TENM3: variants seen among roughly 807,000 people sequenced by gnomAD.
TENM3 encodes teneurin-3.
Under a neutral mutation model 255.1 loss-of-function variants are expected in TENM3, and 63 were observed. The ratio of observed to expected loss-of-function variants is 0.25; its 90% CI spans 0.20 to 0.30. The LOEUF (loss-of-function observed/expected upper bound fraction) is 0.30. Among genes scored for constraint, TENM3 ranks in the 10% least tolerant of loss-of-function variants. The pLI is 1.00. For missense variants in TENM3, 2,929 were observed against 3,461.1 expected (o/e 0.85, Z 3.86); for synonymous variants, 1,306 against 1,322.3 (o/e 0.99, Z 0.27).
intron 12 of TENM3, among the ~76,000 whole-genome samples, chr4:182,689,688 C>T (rs374738660): frequency 4.6e-5 from 7 of 152,296 alleles, no homozygotes; most frequent in African/African-American, 7.2e-5. Flanking sequence ...TTCCCAGCAG[C>T]GAAACGAATC....
the TENM3 span, among the ~76,000 whole-genome samples, chr4:181,597,086 C>A: frequency 6.6e-6 from 1 of 151,920 alleles, no homozygotes; most frequent in Non-Finnish European, 1.5e-5. Flanking sequence ...TAAAAAAAAA[C>A]CTTTTGTACA....
chr4:182,262,806 C>T (rs541374358), intron 1 of TENM3, among the ~76,000 whole-genome samples: 4 of 150,940 alleles, frequency 2.7e-5, no homozygotes, highest in South Asian at 2.1e-4. Flanking sequence ...CTCCGCCTCC[C>T]GGGTTCACGC....
chr4:182,457,136 G>A (rs1463241607), intron 3 of TENM3, among the ~76,000 whole-genome samples: 5 of 147,994 alleles, frequency 3.4e-5, no homozygotes. Context: ...AGTGAGCCGA[G>A]ATTGTGCCAC....
the TENM3 span, among the ~76,000 whole-genome samples, chr4:182,116,890 A>G: frequency 2.0e-5 from 3 of 152,178 alleles, no homozygotes; most frequent in African/African-American, 7.2e-5. Context: ...TTCAAAGTGC[A>G]CCACTCTGCA....
chr4:181,663,738 T>A, the TENM3 span, among the ~76,000 whole-genome samples: 2 of 152,202 alleles, frequency 1.3e-5, no homozygotes, highest in South Asian at 2.1e-4. Flanking sequence ...GAAAGAAACA[T>A]ACAAGAATGG....
chr4:182,653,723 T>C (rs1339684088), intron 5 of TENM3, 48 bp from the exon 6 acceptor site: 2 of 1,542,328 alleles, frequency 1.3e-6, no homozygotes, highest in East Asian at 4.8e-5. Flanking sequence ...ATTGCCGTTG[T>C]AGCTGAAGGC....
At chr4:181,835,290 A>G in the TENM3 span, among the ~76,000 whole-genome samples, 1 of 152,234 alleles carries the variant, frequency 6.6e-6, no homozygotes, top group Non-Finnish European at 1.5e-5. Flanking sequence ...CTATGGTTAC[A>G]TTCACAAAAC....
At chr4:181,650,207 T>C in the TENM3 span, among the ~76,000 whole-genome samples, 1 of 152,222 alleles carries the variant, frequency 6.6e-6, no homozygotes, top group African/African-American at 2.4e-5. Context: ...ACGGATTTAC[T>C]AACAGTTACA....
intron 3 of TENM3, among the ~76,000 whole-genome samples, chr4:182,585,013 T>C (rs13136589): frequency 0.35 from 52,506 of 152,082 alleles, 10,359 homozygotes; most frequent in East Asian, 0.58. Context: ...AAAGAAATTA[T>C]CTTATGGATA....
At chr4:181,881,829 A>C in the TENM3 span, among the ~76,000 whole-genome samples, 543 of 152,308 alleles carry the variant, frequency 3.6e-3, 3 homozygotes, top group African/African-American at 0.012. Flanking sequence ...TGTAAGCTGA[A>C]CAATTGATAT....
At chr4:182,063,765 A>G in the TENM3 span, among the ~76,000 whole-genome samples, 2 of 152,218 alleles carry the variant, frequency 1.3e-5, no homozygotes, top group Non-Finnish European at 2.9e-5. Flanking sequence ...GCTATCACTG[A>G]ATTAGTAGTG....
the TENM3 span, among the ~76,000 whole-genome samples, chr4:181,821,226 A>C: frequency 6.6e-6 from 1 of 152,194 alleles, no homozygotes; most frequent in East Asian, 1.9e-4. Context: ...ACCGCATCTC[A>C]GTCTGCTAGG....
the TENM3 span, among the ~76,000 whole-genome samples, chr4:181,977,681 C>T: frequency 6.6e-6 from 1 of 152,102 alleles, no homozygotes; most frequent in Admixed American, 6.5e-5. Flanking sequence ...CTTTTGAGGG[C>T]CTCTTCTTCA....
chr4:181,712,355 G>A, the TENM3 span, among the ~76,000 whole-genome samples: 1 of 152,182 alleles, frequency 6.6e-6, no homozygotes. Flanking sequence ...TTGTGATAGA[G>A]TTCTCACAAG....
At chr4:182,330,244 A>G (rs554055769) in intron 2 of TENM3, among the ~76,000 whole-genome samples, 1 of 152,350 alleles carries the variant, frequency 6.6e-6, no homozygotes, top group African/African-American at 2.4e-5. Context: ...AAGAACCTTT[A>G]TAAGGAAATG....
chr4:182,401,911 C>T (rs751591737), intron 3 of TENM3, among the ~76,000 whole-genome samples: 4 of 152,140 alleles, frequency 2.6e-5, no homozygotes, highest in Admixed American at 1.3e-4. Context: ...AGGGATGGTG[C>T]GATCCGTTAT....
chr4:182,333,781 T>C (rs1763925662), intron 2 of TENM3, among the ~76,000 whole-genome samples: 1 of 152,204 alleles, frequency 6.6e-6, no homozygotes, highest in African/African-American at 2.4e-5. Context: ...ATCAGTACTT[T>C]TGTTAAAGAT....
the TENM3 span, among the ~76,000 whole-genome samples, chr4:181,606,674 A>G: frequency 6.0e-3 from 906 of 152,180 alleles, 6 homozygotes; most frequent in African/African-American, 0.021. Flanking sequence ...CACCAGTGCC[A>G]GGCAGTCTTT....
chr4:182,301,363 T>C (rs1761845466), intron 1 of TENM3, among the ~76,000 whole-genome samples: 1 of 152,226 alleles, frequency 6.6e-6, no homozygotes, highest in Non-Finnish European at 1.5e-5. Context: ...TTGATACAAA[T>C]AATATATTTT....
Sources: allele counts gnomAD v4.1 joint callset (sites outside exome capture counted in the v4.1 genomes callset), GRCh38; gene constraint gnomAD v4.1.1; transcripts MANE v1.5; gene names NCBI Gene and HGNC (gene_info 2026-07-23, HGNC 2026-07-21).